OGT: variants seen among roughly 807,000 people sequenced by gnomAD.
The protein encoded by OGT is UDP-N-acetylglucosamine--peptide N-acetylglucosaminyltransferase 110 kDa subunit.
In OGT, 3 loss-of-function variants were observed where a neutral mutation model predicts 75.8. The observed-to-expected ratio is 0.04, with a 90% confidence interval of 0.02 to 0.10. OGT has a LOEUF of 0.10. Ranked by LOEUF, OGT falls within the 10% of genes least tolerant of loss-of-function variation. The pLI is 1.00. For missense variants in OGT, 260 were observed against 824.4 expected, an observed-to-expected ratio of 0.32 and a Z score of 8.38; for synonymous variants, 257 against 289.7, an observed-to-expected ratio of 0.89 and a Z score of 1.15.
intron 6 of OGT, among the ~76,000 whole-genome samples, 165 bp downstream of exon 6, chrX:71,554,757 C>A (rs780051233): frequency 8.9e-6 from 1 of 112,139 alleles, no homozygotes; most frequent in Admixed American, 9.5e-5. Flanking sequence ...AGATGTTGTT[C>A]GTTGCCTGAC....
chrX:71,574,088 G>A lies in OGT; in HGVS notation c.*294G>A, dbSNP rs2040476770. 5.7e-6 allele frequency: 1 copy of A among 174,374 alleles called. No homozygotes were observed. The highest frequency in any genetic ancestry group is 3.0e-5 in the African/African-American group (1 of 33,088). The allele number at this position is 174,374 out of a possible 1,213,427, so 14.4% of individuals were successfully genotyped here. On this transcript the variant is annotated 3_prime_UTR_variant, in exon 22 of 22. Transcript: ENST00000373719. The stretch of plus-strand genomic sequence containing the variant: ...TCTTCCATGGGATGGTTAGTGTGGA[G>A]GGGAGATATAGATTGTCCGGCCGCT...
intron 3 of OGT, among the ~76,000 whole-genome samples, chrX:71,543,213 A>G (rs1384127586): frequency 8.9e-6 from 1 of 112,126 alleles, no homozygotes; most frequent in East Asian, 2.8e-4. Flanking sequence ...TTTTCGGCAC[A>G]GTTGACAAAA....
intron 1 of OGT, 29 bp downstream of exon 1, chrX:71,533,365 A>T (rs771541575): frequency 1.2e-5 from 14 of 1,171,422 alleles, no homozygotes; most frequent in Non-Finnish European, 1.6e-5. Flanking sequence ...ACCTTGGCAG[A>T]TGCCCCCTTG....
intron 3 of OGT, among the ~76,000 whole-genome samples, chrX:71,541,060 A>G (rs889325992): frequency 8.9e-6 from 1 of 111,971 alleles, no homozygotes; most frequent in Non-Finnish European, 1.9e-5. Flanking sequence ...AGAGTTGCCT[A>G]TACCTGGCAA....
intron 2 of OGT, 168 bp downstream of exon 2, chrX:71,536,526 T>C (rs914106313): frequency 5.4e-6 from 2 of 369,584 alleles, no homozygotes; most frequent in African/African-American, 5.3e-5. Context: ...CTGCCAGTTT[T>C]TCTCCTTCCT....
chrX:71,533,947 C>T (rs1236267036), intron 1 of OGT, among the ~76,000 whole-genome samples: 2 of 111,774 alleles, frequency 1.8e-5, no homozygotes, highest in African/African-American at 6.5e-5. Context: ...TTCTGGTGTT[C>T]TTTCGGTTGA....
intron 14 of OGT, among the ~76,000 whole-genome samples, chrX:71,560,024 G>A (rs1569428886): frequency 9.0e-6 from 1 of 110,970 alleles, no homozygotes; most frequent in East Asian, 2.8e-4. Flanking sequence ...ACTCATGCCT[G>A]TAATCCCAGC....
At chrX:71,556,137 A>C (rs781032195) in intron 8 of OGT, 43 bp downstream of exon 8, 1 of 1,163,529 alleles carries the variant, frequency 8.6e-7, no homozygotes, top group South Asian at 1.9e-5. Context: ...ATGATAGTAG[A>C]GGGAAAGCAG....
chrX:71,545,767 A>G (rs1422823929), intron 4 of OGT: 1 of 112,743 alleles, frequency 8.9e-6, no homozygotes, highest in Non-Finnish European at 1.9e-5. Context: ...ATTGTAATTG[A>G]TTTCAATCTT....
At position 71,533,282 on chromosome X, in the gene OGT, TC is replaced by T; in HGVS notation, c.-15del. 1 of 1,195,507 alleles carries T rather than the reference TC, an allele frequency of 8.4e-7. No homozygotes were observed. Among genetic ancestry groups the T allele is most frequent in the South Asian group, 1.8e-5 (1 of 54,621 alleles). ...AGGACCAATTACCTCTTTTTTGCTC[TC>T]CCTCGAGAAGCTCCAGATGGCGTCT... On this transcript the variant is annotated 5_prime_UTR_variant, in exon 1 of 22. Transcript: ENST00000373719.
intron 3 of OGT, among the ~76,000 whole-genome samples, chrX:71,544,113 C>T (rs2040243772): frequency 9.0e-6 from 1 of 110,551 alleles, no homozygotes; most frequent in Non-Finnish European, 1.9e-5. Flanking sequence ...ATGTGACTGA[C>T]ATTTGGGGAG....
chrX:71,557,519 T>C lies in OGT; in HGVS notation c.1449T>C (p.Asp483=), dbSNP rs2040351000. 2 of 1,209,161 alleles carry C rather than the reference T, an allele frequency of 1.7e-6. No individual in the cohort carries two copies. Among genetic ancestry groups the C allele is most frequent in the Non-Finnish European group, 2.2e-6 (2 of 894,763 alleles). ...LQIVCDWTDY[D]ERMKKLVSIV... The stretch of plus-strand genomic sequence containing the variant: ...TTGTCTGTGATTGGACAGACTATGA[T>C]GAGCGAATGAAGAAGTTGGTCAGTA... Residue 483 remains aspartate (D), a synonymous_variant, in exon 12 of 22, where the codon GAT becomes GAC. Transcript: ENST00000373719.
intron 4 of OGT, chrX:71,547,040 G>A (rs1465709967): frequency 4.0e-6 from 3 of 753,649 alleles, no homozygotes; most frequent in Admixed American, 8.7e-5. Flanking sequence ...ATGTAGCGCA[G>A]CAGTTCGCAG....
intron 4 of OGT, chrX:71,547,698 G>A: frequency 3.8e-6 from 4 of 1,053,718 alleles, no homozygotes; most frequent in Non-Finnish European, 3.6e-6. Context: ...TTCTGGTGGC[G>A]CAGGCGCAGG....
intron 2 of OGT, chrX:71,537,005 G>A (rs2040181355): frequency 8.0e-6 from 1 of 125,020 alleles, no homozygotes; most frequent in Non-Finnish European, 1.3e-5. Flanking sequence ...TTTCGCTCTT[G>A]TTGCCTAGGC....
At chrX:71,571,310 C>T (rs2040456610) in intron 21 of OGT, among the ~76,000 whole-genome samples, 1 of 112,194 alleles carries the variant, frequency 8.9e-6, no homozygotes. Flanking sequence ...ATCTGCCAAT[C>T]CATCTTATTG....
chrX:71,548,898 C>T (rs1022669407), intron 5 of OGT, among the ~76,000 whole-genome samples: 3 of 110,874 alleles, frequency 2.7e-5, no homozygotes, highest in Non-Finnish European at 3.8e-5. Flanking sequence ...GTACCCCAAA[C>T]CTAAAATAAA....
chrX:71,537,846 C>G lies in OGT; in HGVS notation c.236C>G (p.Thr79Ser). 1 of 1,211,871 alleles carries G rather than the reference C, an allele frequency of 8.3e-7. No individual in the cohort carries two copies. The highest frequency in any genetic ancestry group is 1.1e-6 in the Non-Finnish European group (1 of 895,418). Reference sequence around the variant, plus strand: ...TTTTCCAGATCTGCTCACTTTAGCACTCTGGCAATTAAACAGAACCCCCTT... The same window carrying G: ...TTTTCCAGATCTGCTCACTTTAGCAGTCTGGCAATTAAACAGAACCCCCTT... ...RRLDRSAHFS[T>S]LAIKQNPLLA... Residue 79 changes from threonine (T) to serine (S), a missense_variant, in exon 3 of 22, where the codon ACT (threonine) becomes AGT (serine). By Grantham distance (58) the Thr-to-Ser change is moderately conservative. Coordinates refer to ENST00000373719, the MANE Select transcript of OGT (RefSeq NM_181672.3).
intron 6 of OGT, 36 bp downstream of exon 6, chrX:71,554,628 T>C: frequency 9.3e-7 from 1 of 1,069,618 alleles, no homozygotes; most frequent in Non-Finnish European, 1.3e-6. Flanking sequence ...TTTTCTTGAA[T>C]CTTTGTTGTA....
Sources: allele counts gnomAD v4.1 joint callset (sites outside exome capture counted in the v4.1 genomes callset), GRCh38; gene constraint gnomAD v4.1.1; transcripts MANE v1.5; gene names NCBI Gene and HGNC (gene_info 2026-07-23, HGNC 2026-07-21).